The following LRP1B variants were observed in gnomAD, a reference collection of about 807,000 sequenced individuals.
LRP1B encodes low-density lipoprotein receptor-related protein 1B.
Under a neutral mutation model 556.6 loss-of-function variants are expected in LRP1B, and 217 were observed. The ratio of observed to expected loss-of-function variants is 0.39; its 90% CI spans 0.35 to 0.44. The LOEUF is 0.44. LRP1B is among the 20% of genes least tolerant of loss of function. The pLI, the probability that LRP1B is intolerant of heterozygous loss-of-function variation, is 1.00. For missense variants in LRP1B, 5,053 were observed against 5,620.8 expected, an observed-to-expected ratio of 0.90 and a Z score of 3.23; for synonymous variants, 2,047 against 1,865.8, an observed-to-expected ratio of 1.10 and a Z score of -2.50.
intron 66 of LRP1B, among the ~76,000 whole-genome samples, chr2:140,435,037 T>A (rs1019179826): frequency 2.6e-5 from 4 of 152,154 alleles, no homozygotes; most frequent in African/African-American, 9.7e-5. Context: ...GCATAATCAA[T>A]CATATAGGCA....
At chr2:140,609,639 G>A (rs1682998045) in intron 41 of LRP1B, among the ~76,000 whole-genome samples, 1 of 152,140 alleles carries the variant, frequency 6.6e-6, no homozygotes, top group Non-Finnish European at 1.5e-5. Context: ...GGAAGCCTAA[G>A]CAATCGTCTT....
At chr2:140,248,200 C>T (rs184695236) in intron 86 of LRP1B, among the ~76,000 whole-genome samples, 8 of 151,618 alleles carry the variant, frequency 5.3e-5, no homozygotes, top group Non-Finnish European at 7.4e-5. Flanking sequence ...TTGTGATAGT[C>T]GTAAAATCAG....
At chr2:141,297,134 A>G (rs1686211828) in intron 3 of LRP1B, among the ~76,000 whole-genome samples, 1 of 151,988 alleles carries the variant, frequency 6.6e-6, no homozygotes, top group South Asian at 2.1e-4. Context: ...GATTCCATGT[A>G]TTTGCTATTG....
At chr2:141,233,851 A>G (rs1037483258) in intron 5 of LRP1B, among the ~76,000 whole-genome samples, 6 of 152,060 alleles carry the variant, frequency 3.9e-5, no homozygotes, top group African/African-American at 1.4e-4. Flanking sequence ...TAACTAACAA[A>G]CATATGTATA....
At chr2:140,827,411 A>G (rs1232535294) in intron 31 of LRP1B, among the ~76,000 whole-genome samples, 1 of 152,054 alleles carries the variant, frequency 6.6e-6, no homozygotes, top group Non-Finnish European at 1.5e-5. Flanking sequence ...AGAAAGTAAC[A>G]AATAATAAAA....
intron 41 of LRP1B, among the ~76,000 whole-genome samples, chr2:140,621,102 C>A (rs962654661): frequency 6.6e-6 from 1 of 151,672 alleles, no homozygotes; most frequent in Non-Finnish European, 1.5e-5. Flanking sequence ...TGATATTGGG[C>A]CAGGTGTGGT....
intron 84 of LRP1B, among the ~76,000 whole-genome samples, chr2:140,287,277 C>T (rs1683187687): frequency 6.6e-6 from 1 of 151,720 alleles, no homozygotes; most frequent in Non-Finnish European, 1.5e-5. Context: ...CAGAATCCTA[C>T]ACTACTTTCT....
At chr2:141,708,938 C>A (rs1692252876) in intron 2 of LRP1B, among the ~76,000 whole-genome samples, 1 of 152,154 alleles carries the variant, frequency 6.6e-6, no homozygotes, top group South Asian at 2.1e-4. Context: ...AGCCCCTAGA[C>A]TTGTGAGAGA....
rs577532316 is a variant in LRP1B, at chr2:141,639,304, GTATATATATATATATA to G, written c.206-158787_206-158772del. 1.8e-3 allele frequency among the ~76,000 whole-genome samples: 107 copies of G among 58,454 alleles called. 8 individuals carry two copies. Among genetic ancestry groups the G allele is most frequent in the African/African-American group, 3.6e-3 (49 of 13,706 alleles). 38.3% of individuals were successfully genotyped at this position (58,454 alleles called of 152,430 possible). On this transcript the variant is annotated intron_variant, in intron 2 of 90. Coordinates refer to ENST00000389484, the MANE Select transcript of LRP1B (RefSeq NM_018557.3). ...GGACCCAGGAGTACGCATCATGTGT[GTATATATATATATATA>G]TATATATATATATATATATATATAT...
chr2:141,962,339 A>G (rs1391841793), intron 1 of LRP1B, among the ~76,000 whole-genome samples: 1 of 151,814 alleles, frequency 6.6e-6, no homozygotes, highest in Non-Finnish European at 1.5e-5. Context: ...GACATCTTTC[A>G]TCTAGAATAT....
chr2:141,049,864 A>T (rs1225928511), intron 10 of LRP1B, among the ~76,000 whole-genome samples: 1 of 152,090 alleles, frequency 6.6e-6, no homozygotes, highest in Non-Finnish European at 1.5e-5. Context: ...TGTACAACAC[A>T]GGCCTTATCA....
intron 43 of LRP1B, among the ~76,000 whole-genome samples, chr2:140,551,590 A>G (rs548157354): frequency 6.6e-6 from 1 of 152,264 alleles, no homozygotes; most frequent in East Asian, 1.9e-4. Context: ...AGCTATTAAC[A>G]TTTTTAAAGC....
At chr2:140,982,668 AACTTTTTTTGTAGTAT>A (rs764934316) in intron 17 of LRP1B, among the ~76,000 whole-genome samples, 12 of 152,146 alleles carry the variant, frequency 7.9e-5, no homozygotes, top group Non-Finnish European at 1.8e-4. Context: ...AAACCAAGAA[AACTTTTTTTGTAGTAT>A]TGTAGAAGGC....
At chr2:141,069,244 C>T (rs545509254) in intron 7 of LRP1B, among the ~76,000 whole-genome samples, 2 of 152,002 alleles carry the variant, frequency 1.3e-5, no homozygotes, top group African/African-American at 4.8e-5. Context: ...TTTCTTTCAA[C>T]TTGCCTTTCA....
intron 22 of LRP1B, among the ~76,000 whole-genome samples, chr2:140,905,842 CAT>C (rs1412354046): frequency 6.6e-6 from 1 of 152,088 alleles, no homozygotes; most frequent in African/African-American, 2.4e-5. Flanking sequence ...CTGGCTTTGA[CAT>C]ATTATTGTAA....
chr2:141,677,756 T>A (rs1447889484), intron 2 of LRP1B, among the ~76,000 whole-genome samples: 1 of 152,230 alleles, frequency 6.6e-6, no homozygotes, highest in Non-Finnish European at 1.5e-5. Flanking sequence ...CCCAAAGTGC[T>A]GGCATTACAG....
At chr2:141,228,718 TG>T (rs1683348784) in intron 6 of LRP1B, among the ~76,000 whole-genome samples, 1 of 152,130 alleles carries the variant, frequency 6.6e-6, no homozygotes, top group African/African-American at 2.4e-5. Context: ...ACAAGTTTTT[TG>T]GAAGAGGATG....
intron 1 of LRP1B, among the ~76,000 whole-genome samples, chr2:142,053,026 C>G (rs1209489691): frequency 6.6e-6 from 1 of 152,000 alleles, no homozygotes; most frequent in Non-Finnish European, 1.5e-5. Context: ...TTAGATCCAT[C>G]ATAAGGCAAA....
At chr2:141,420,985 C>A (rs532403824) in intron 3 of LRP1B, among the ~76,000 whole-genome samples, 1 of 152,220 alleles carries the variant, frequency 6.6e-6, no homozygotes, top group Non-Finnish European at 1.5e-5. Context: ...AAGGAAGGGC[C>A]AACATGGGTA....
Sources: gnomAD v4.1 joint callset for allele counts (sites outside exome capture counted in the v4.1 genomes callset) on GRCh38, gnomAD v4.1.1 for gene constraint, MANE v1.5 for transcripts, NCBI Gene and HGNC (gene_info 2026-07-23, HGNC 2026-07-21) for gene names.